The following WARS2 variants were observed in gnomAD, a reference collection of about 807,000 sequenced individuals.
WARS2 encodes tryptophan--tRNA ligase, mitochondrial.
WARS2 carries 28 observed loss-of-function variants against 36.5 expected under a neutral mutation model. The ratio of observed to expected loss-of-function variants is 0.77; its 90% CI spans 0.57 to 1.05. The LOEUF (loss-of-function observed/expected upper bound fraction) is 1.05, where lower values mean the gene tolerates loss of function less well. Among genes scored for constraint, WARS2 ranks in the 50% least tolerant of loss-of-function variants. WARS2 has a pLI of 0.00. For synonymous variants in WARS2, 174 were observed against 178.4 expected, an observed-to-expected ratio of 0.98 and a Z score of 0.20; for missense variants, 435 against 456.8, an observed-to-expected ratio of 0.95 and a Z score of 0.44.
chr1:119,056,529 A>AAT (rs1207992591), intron 2 of WARS2, among the ~76,000 whole-genome samples: 1 of 126,218 alleles, frequency 7.9e-6, no homozygotes, highest in African/African-American at 3.6e-5. Context: ...CTATAGACTA[A>AAT]ATATATAATA....
chr1:119,104,366 AAAATATAAAATATAAAAATAT>A (rs1654090086), intron 1 of WARS2, among the ~76,000 whole-genome samples: 2 of 150,752 alleles, frequency 1.3e-5, no homozygotes, highest in African/African-American at 4.8e-5. Flanking sequence ...AAGAATATTA[AAAATATAAAATATAAAAATAT>A]AAATATAGAA....
At position 119,048,417 on chromosome 1, in the gene WARS2, T is replaced by A. The variant is rs561429321; in HGVS notation, c.349-2755A>T. 2.6e-5 allele frequency among the ~76,000 whole-genome samples: 4 copies of A among 152,358 alleles called. No homozygotes were observed. The East Asian group carries it at 7.7e-4, about 29-fold the overall frequency. On this transcript the variant is annotated intron_variant, in intron 2 of 5. Coordinates refer to ENST00000235521, the MANE Select transcript of WARS2 (RefSeq NM_015836.4). ...ACTACTCAATAAATGGTGGCTTTTA[T>A]TATTACAATTTTTAGAAATACTTCT... is the stretch of plus-strand genomic sequence containing the variant.
At chr1:119,034,064 C>T (rs201147515) in intron 5 of WARS2, 31 bp downstream of exon 5, 1 of 1,577,588 alleles carries the variant, frequency 6.3e-7, no homozygotes, top group East Asian at 2.3e-5. Context: ...AGAATATACC[C>T]TGATGTAACA....
At chr1:119,131,471 T>A (rs1452247262) in intron 1 of WARS2, among the ~76,000 whole-genome samples, 1 of 150,046 alleles carries the variant, frequency 6.7e-6, no homozygotes, top group Non-Finnish European at 1.5e-5. Context: ...TTTTGTTTTT[T>A]TTTTTTTTGA....
chr1:119,071,862 T>C (rs1162240362), intron 2 of WARS2, among the ~76,000 whole-genome samples: 1 of 152,196 alleles, frequency 6.6e-6, no homozygotes, highest in Non-Finnish European at 1.5e-5. Context: ...CATTTTACAA[T>C]GTATACATAT....
At chr1:119,075,993 C>T (rs1651698580) in intron 2 of WARS2, among the ~76,000 whole-genome samples, 1 of 152,232 alleles carries the variant, frequency 6.6e-6, no homozygotes, top group Non-Finnish European at 1.5e-5. Context: ...TCACTAACTT[C>T]TATCCTTGAT....
intron 2 of WARS2, among the ~76,000 whole-genome samples, chr1:119,056,010 A>C (rs1203174370): frequency 7.5e-6 from 1 of 132,558 alleles, no homozygotes; most frequent in Non-Finnish European, 1.6e-5. Context: ...TCATACCATA[A>C]CTTTTTTTTT....
Position 119,080,593 on chromosome 1 carries a change from C to T in WARS2, c.91-3986G>A, listed in dbSNP as rs773834144. Among the ~76,000 whole-genome samples the T allele has an allele frequency of 9.2e-5, 14 of 152,120 alleles. No homozygotes were observed. In the South Asian group the frequency reaches 1.5e-3, roughly 16 times the overall value. The stretch of plus-strand genomic sequence containing the variant: ...ACAGCCTCTAAATGGGAACTGGATA[C>T]CTGGTCTTAAAAATATACAGAGAGC... On this transcript the variant is annotated intron_variant, in intron 1 of 5. Coordinates refer to ENST00000235521, the MANE Select transcript of WARS2 (RefSeq NM_015836.4).
intron 2 of WARS2, among the ~76,000 whole-genome samples, chr1:119,068,718 G>A (rs1448469340): frequency 6.6e-6 from 1 of 152,160 alleles, no homozygotes; most frequent in East Asian, 1.9e-4. Context: ...CAGGCCTGCT[G>A]GCTTGCTAGA....
At chr1:119,037,435 G>GT (rs1298525155) in intron 4 of WARS2, among the ~76,000 whole-genome samples, 65 of 152,268 alleles carry the variant, frequency 4.3e-4, no homozygotes, top group African/African-American at 1.4e-3. Flanking sequence ...GGCTGTGTTT[G>GT]TAAGTTTTCA....
rs2361268 is a variant in WARS2 at position 119,041,704 on chromosome 1, T to C, written c.515+560A>G. On this transcript the variant is annotated intron_variant, in intron 4 of 5. Transcript: ENST00000235521. ...ATTTCCATAAACACAGAGCATTCTA[T>C]TGGACAGCATTGCTTTAGAGTCTAG... Among the ~76,000 whole-genome samples the C allele has an allele frequency of 7.4e-3, 1,128 of 152,324 alleles. 14 individuals are homozygous for C. Among genetic ancestry groups the C allele is most frequent in the African/African-American group, 0.026 (1,077 of 41,568 alleles).
At position 119,051,762 on chromosome 1, in the gene WARS2, ATTTTT is replaced by A. The variant is rs527937756; in HGVS notation, c.349-6105_349-6101del. ...TGATATGAGTTGGTATCTCGCTGTA[ATTTTT>A]TTTTTTTTTTTTTTTTTTGAGACAA... On this transcript the variant is annotated intron_variant, in intron 2 of 5. Transcript: ENST00000235521. Among the ~76,000 whole-genome samples, 1,037 of 114,258 alleles carry A rather than the reference ATTTTT, an allele frequency of 9.1e-3. 18 individuals are homozygous for A. The highest frequency in any genetic ancestry group is 0.057 in the East Asian group (223 of 3,890). 75.0% of individuals were successfully genotyped at this position (114,258 alleles called of 152,430 possible).
intron 1 of WARS2, among the ~76,000 whole-genome samples, chr1:119,096,711 G>T (rs1192502275): frequency 6.6e-6 from 1 of 151,828 alleles, no homozygotes; most frequent in East Asian, 1.9e-4. Flanking sequence ...AATAGAATAT[G>T]GCTTTTTATA....
intron 1 of WARS2, among the ~76,000 whole-genome samples, chr1:119,086,948 G>C (rs983020369): frequency 2.0e-4 from 30 of 151,952 alleles, no homozygotes; most frequent in African/African-American, 7.2e-4. Context: ...TCTTTTCTGC[G>C]TGGGGAACTC....
At chr1:119,117,545 G>T (rs587764711) in intron 1 of WARS2, among the ~76,000 whole-genome samples, 27 of 152,324 alleles carry the variant, frequency 1.8e-4, no homozygotes, top group African/African-American at 6.3e-4. Flanking sequence ...TCCAAAGAAA[G>T]AGAAGACAAC....
At chr1:119,129,961 T>C (rs988576977) in intron 1 of WARS2, among the ~76,000 whole-genome samples, 6 of 152,170 alleles carry the variant, frequency 3.9e-5, no homozygotes, top group Non-Finnish European at 7.4e-5. Flanking sequence ...TCTGCATTTA[T>C]CAAGGTGCAA....
At chr1:119,089,769 T>C (rs1348389961) in intron 1 of WARS2, among the ~76,000 whole-genome samples, 2 of 152,216 alleles carry the variant, frequency 1.3e-5, no homozygotes, top group Non-Finnish European at 2.9e-5. Flanking sequence ...TACTGGTACA[T>C]ATACACCATG....
chr1:119,064,847 T>C (rs1317257590), intron 2 of WARS2: 1 of 150,664 alleles, frequency 6.6e-6, no homozygotes, highest in Non-Finnish European at 1.5e-5. Flanking sequence ...GTACAGTATA[T>C]ACCTATCTTA....
intron 1 of WARS2, among the ~76,000 whole-genome samples, chr1:119,096,633 G>A (rs1653461321): frequency 6.6e-6 from 1 of 151,736 alleles, no homozygotes; most frequent in Non-Finnish European, 1.5e-5. Flanking sequence ...TTCCCCAACT[G>A]GAAATTTTTA....
Sources: gnomAD v4.1 joint callset for allele counts (sites outside exome capture counted in the v4.1 genomes callset) on GRCh38, gnomAD v4.1.1 for gene constraint, MANE v1.5 for transcripts, NCBI Gene and HGNC (gene_info 2026-07-23, HGNC 2026-07-21) for gene names.